The following DTNA variants were observed in gnomAD, a reference collection of about 807,000 sequenced individuals.
DTNA encodes the protein dystrobrevin alpha.
Under a neutral mutation model 100.7 loss-of-function variants are expected in DTNA, and 43 were observed. The ratio of observed to expected loss-of-function variants is 0.43; its 90% CI spans 0.33 to 0.55. DTNA has a LOEUF of 0.55. DTNA is among the 20% of genes least tolerant of loss of function. The probability of loss-of-function intolerance (pLI) is 0.04; values close to 1 mark genes in which losing one functional copy is unlikely to be tolerated. For synonymous variants in DTNA, 349 were observed against 347.9 expected (o/e 1.00, Z -0.04); for missense variants, 798 against 953.9 (o/e 0.84, Z 2.15).
chr18:34,505,189 TAGA>T (rs1259263367), intron 1 of DTNA, among the ~76,000 whole-genome samples: 9 of 152,234 alleles, frequency 5.9e-5, no homozygotes, highest in Admixed American at 2.0e-4. Context: ...CTTTAGCTTC[TAGA>T]GGCACCTGTA....
At chr18:34,833,885 C>T (rs1337855514) in intron 11 of DTNA, among the ~76,000 whole-genome samples, 2 of 152,170 alleles carry the variant, frequency 1.3e-5, no homozygotes, top group Admixed American at 1.3e-4. Flanking sequence ...AGAACAGAAG[C>T]AGCTTTAATG....
chr18:34,552,166 C>A (rs928895541), intron 1 of DTNA, among the ~76,000 whole-genome samples: 5 of 151,984 alleles, frequency 3.3e-5, no homozygotes, highest in Admixed American at 1.3e-4. Context: ...TCATATTTTT[C>A]CATCGTTACT....
chr18:34,673,251 A>AT (rs1310702981), intron 1 of DTNA, among the ~76,000 whole-genome samples: 1 of 151,928 alleles, frequency 6.6e-6, no homozygotes, highest in African/African-American at 2.4e-5. Flanking sequence ...ACGCCCAGCT[A>AT]TTTTTTGTAT....
At chr18:34,692,479 A>G (rs1463628242) in intron 1 of DTNA, among the ~76,000 whole-genome samples, 1 of 152,220 alleles carries the variant, frequency 6.6e-6, no homozygotes, top group Non-Finnish European at 1.5e-5. Context: ...AGATCTTTCC[A>G]CTGCAGCAAA....
chr18:34,876,709 G>C (rs2096822405), intron 18 of DTNA, among the ~76,000 whole-genome samples: 1 of 152,178 alleles, frequency 6.6e-6, no homozygotes, highest in South Asian at 2.1e-4. Context: ...CAATGAGAGA[G>C]AATGATGAAC....
At chr18:34,753,141 G>A (rs2092458383) in intron 1 of DTNA, among the ~76,000 whole-genome samples, 1 of 151,818 alleles carries the variant, frequency 6.6e-6, no homozygotes, top group South Asian at 2.1e-4. Context: ...GACTTTGCTG[G>A]GCACTGTGAA....
At chr18:34,631,824 A>C (rs940192974) in intron 1 of DTNA, among the ~76,000 whole-genome samples, 13 of 152,174 alleles carry the variant, frequency 8.5e-5, no homozygotes, top group African/African-American at 3.1e-4. Context: ...ATCACCCAAG[A>C]GTCACTGTGC....
At chr18:34,616,101 C>G (rs1170592111) in intron 1 of DTNA, among the ~76,000 whole-genome samples, 1 of 152,126 alleles carries the variant, frequency 6.6e-6, no homozygotes, top group Non-Finnish European at 1.5e-5. Context: ...TGGGTGTATA[C>G]CCAATAATGG....
chr18:34,883,049 C>T (rs533254205), intron 21 of DTNA, among the ~76,000 whole-genome samples: 1 of 152,334 alleles, frequency 6.6e-6, no homozygotes, highest in African/African-American at 2.4e-5. Flanking sequence ...ATTCACTGAA[C>T]ATGACATATA....
intron 1 of DTNA, among the ~76,000 whole-genome samples, chr18:34,592,940 G>A (rs1049988583): frequency 6.6e-6 from 1 of 152,168 alleles, no homozygotes; most frequent in Non-Finnish European, 1.5e-5. Flanking sequence ...TATTCATGCT[G>A]AGTAACAGTA....
At chr18:34,551,159 A>G (rs1269356864) in intron 1 of DTNA, among the ~76,000 whole-genome samples, 1 of 152,220 alleles carries the variant, frequency 6.6e-6, no homozygotes, top group Non-Finnish European at 1.5e-5. Flanking sequence ...TCAACCATAA[A>G]GAGAAAAGAG....
chr18:34,585,897 A>G (rs1010525603), intron 1 of DTNA, among the ~76,000 whole-genome samples: 2 of 152,178 alleles, frequency 1.3e-5, no homozygotes, highest in Non-Finnish European at 2.9e-5. Flanking sequence ...AATTTTTATT[A>G]ATATGAAAAA....
chr18:34,518,704 CGTGTGTGTGTGTGTGTGTGTGT>C lies in DTNA; in HGVS notation c.-2+25210_-2+25231del, dbSNP rs57035462. On this transcript the variant is annotated intron_variant, in intron 1 of 19. Transcript: ENST00000283365. ...CCGTTTTTTTTTTTAATTTGGCAAA[CGTGTGTGTGTGTGTGTGTGTGT>C]GTGTGTGTGTGTGTGTGTGAAGCTA... is the stretch of plus-strand genomic sequence containing the variant. 4.9e-5 allele frequency among the ~76,000 whole-genome samples: 6 copies of C among 121,576 alleles called. No individual in the cohort carries two copies. In the South Asian group the frequency reaches 1.3e-3, roughly 26 times the overall value. 79.8% of individuals were successfully genotyped at this position (121,576 alleles called of 152,430 possible). A position where few individuals can be genotyped will look rare whatever the true frequency, so the allele number is the denominator to read the frequency against.
At chr18:34,756,641 C>T (rs1436232558) in intron 2 of DTNA, among the ~76,000 whole-genome samples, 2 of 152,126 alleles carry the variant, frequency 1.3e-5, no homozygotes, top group Non-Finnish European at 2.9e-5. Context: ...TGACCTGCTA[C>T]ACAAGGGAAA....
At chr18:34,739,382 A>T (rs968800113) in intron 1 of DTNA, among the ~76,000 whole-genome samples, 1 of 152,200 alleles carries the variant, frequency 6.6e-6, no homozygotes, top group African/African-American at 2.4e-5. Context: ...AAGGCACATC[A>T]TACTTTTAAA....
chr18:34,848,245 G>C (rs1262164861), intron 13 of DTNA, 51 bp from the exon 14 acceptor site: 2 of 1,572,696 alleles, frequency 1.3e-6, no homozygotes, highest in Non-Finnish European at 1.7e-6. Context: ...AATGACTGCA[G>C]CAATCTTTCT....
chr18:34,542,928 A>G (rs946236757), intron 1 of DTNA, among the ~76,000 whole-genome samples: 4 of 151,912 alleles, frequency 2.6e-5, no homozygotes, highest in African/African-American at 9.7e-5. Flanking sequence ...TCTTATTTCT[A>G]CATCATACTA....
rs183958045 is a variant in DTNA at position 34,735,979 on chromosome 18, T to G, written c.-1-19997T>G. ...ACTCACCCCCAGAGACACCACTTCT[T>G]TTGACTTTACTACTTTTGGAATTTA... On this transcript the variant is annotated intron_variant, in intron 1 of 22. Transcript: ENST00000444659. 2.6e-5 allele frequency among the ~76,000 whole-genome samples: 4 copies of G among 152,314 alleles called. No homozygotes were observed. In the East Asian group the frequency reaches 7.7e-4, roughly 29 times the overall value.
intron 4 of DTNA, among the ~76,000 whole-genome samples, chr18:34,800,793 G>A (rs914088671): frequency 6.6e-6 from 1 of 152,066 alleles, no homozygotes. Context: ...TTGGCAATTC[G>A]GAGACAATTT....
Sources: gnomAD v4.1 joint callset for allele counts (sites outside exome capture counted in the v4.1 genomes callset) on GRCh38, gnomAD v4.1.1 for gene constraint, MANE v1.5 for transcripts, NCBI Gene and HGNC (gene_info 2026-07-23, HGNC 2026-07-21) for gene names.